The following LMBRD1 variants were observed in gnomAD, a reference collection of about 807,000 sequenced individuals.
The protein encoded by LMBRD1 is LMBR1 domain containing 1.
A neutral mutation model predicts 74.8 loss-of-function variants in LMBRD1; 64 were observed. The ratio of observed to expected loss-of-function variants is 0.86; its 90% CI spans 0.70 to 1.05. The LOEUF (loss-of-function observed/expected upper bound fraction) is 1.05. LMBRD1 is among the 50% of genes least tolerant of loss of function. The pLI, the probability that LMBRD1 is intolerant of heterozygous loss-of-function variation, is 0.00. For synonymous variants in LMBRD1, 204 were observed against 216.3 expected, an observed-to-expected ratio of 0.94 and a Z score of 0.50; for missense variants, 652 against 645.9, an observed-to-expected ratio of 1.01 and a Z score of -0.10.
chr6:69,725,139 C>T lies in LMBRD1; in HGVS notation c.637-6058G>A, dbSNP rs1402972632. On this transcript the variant is annotated intron_variant, in intron 7 of 15. Coordinates refer to ENST00000649934, the MANE Select transcript of LMBRD1 (RefSeq NM_018368.4). ...AATAGCCCCAAATAAAATTAAATAA[C>T]TAGGAATTAACTTAACCAAAAAAGT... 2.6e-5 allele frequency among the ~76,000 whole-genome samples: 4 copies of T among 151,926 alleles called. No homozygotes were observed. The East Asian group carries it at 7.7e-4, about 29-fold the overall frequency.
intron 7 of LMBRD1, among the ~76,000 whole-genome samples, chr6:69,726,777 CA>C (rs34775384): frequency 0.47 from 51,200 of 109,646 alleles, 8,644 homozygotes; most frequent in East Asian, 0.64. Context: ...TTACTAGGTA[CA>C]AAAAAAAAAA....
chr6:69,794,168 T>C (rs1766158238), intron 1 of LMBRD1, among the ~76,000 whole-genome samples: 1 of 152,242 alleles, frequency 6.6e-6, no homozygotes, highest in Non-Finnish European at 1.5e-5. Flanking sequence ...CCTTTTTCAC[T>C]GTGCTGACAT....
chr6:69,732,068 T>G (rs1766870742), intron 7 of LMBRD1, among the ~76,000 whole-genome samples: 1 of 152,146 alleles, frequency 6.6e-6, no homozygotes, highest in Admixed American at 6.5e-5. Context: ...GTAGCATATA[T>G]TCAGTGAAAT....
At chr6:69,742,137 G>A (rs1280908011) in intron 5 of LMBRD1, among the ~76,000 whole-genome samples, 1 of 151,936 alleles carries the variant, frequency 6.6e-6, no homozygotes, top group African/African-American at 2.4e-5. Context: ...CTTTAATAAA[G>A]CTGGTAAAAA....
At chr6:69,754,109 A>T (rs1236888344) in intron 3 of LMBRD1, among the ~76,000 whole-genome samples, 3 of 151,938 alleles carry the variant, frequency 2.0e-5, no homozygotes, top group Admixed American at 6.6e-5. Context: ...AGGACACAGA[A>T]AGTAGGACGG....
intron 14 of LMBRD1, among the ~76,000 whole-genome samples, chr6:69,684,546 CATTA>C (rs1157122123): frequency 6.6e-6 from 1 of 151,822 alleles, no homozygotes; most frequent in Admixed American, 6.6e-5. Context: ...CCAAACTATC[CATTA>C]ATTGTGAGGA....
Position 69,766,619 on chromosome 6 carries a change from T to G in LMBRD1, c.307+13875A>C, listed in dbSNP as rs751343818. On this transcript the variant is annotated intron_variant, in intron 3 of 15. Coordinates refer to ENST00000649934, the MANE Select transcript of LMBRD1 (RefSeq NM_018368.4). Reference sequence around the variant, plus strand: ...AGTCCACAGTTTCCCTTTCTTGTGATGTCTTAATATGATTTTGGTATGAAG... The same window carrying G: ...AGTCCACAGTTTCCCTTTCTTGTGAGGTCTTAATATGATTTTGGTATGAAG... Among the ~76,000 whole-genome samples, 24 of 151,830 alleles carry G rather than the reference T, an allele frequency of 1.6e-4. 1 individual carries two copies. The highest frequency in any genetic ancestry group is 2.8e-4 in the Non-Finnish European group (19 of 67,776).
intron 3 of LMBRD1, among the ~76,000 whole-genome samples, chr6:69,778,721 A>G (rs1765758562): frequency 6.6e-6 from 1 of 152,176 alleles, no homozygotes; most frequent in Non-Finnish European, 1.5e-5. Flanking sequence ...GCTCCATTTC[A>G]AAACTTTTAA....
chr6:69,734,528 T>C (rs1766932721), intron 7 of LMBRD1, among the ~76,000 whole-genome samples: 1 of 152,080 alleles, frequency 6.6e-6, no homozygotes, highest in African/African-American at 2.4e-5. Context: ...CCCGAGTACC[T>C]GCGATTACAG....
At chr6:69,729,479 T>C (rs1330308427) in intron 7 of LMBRD1, among the ~76,000 whole-genome samples, 1 of 151,982 alleles carries the variant, frequency 6.6e-6, no homozygotes, top group Admixed American at 6.6e-5. Flanking sequence ...CCAATTCTTT[T>C]TCCTCCTACC....
rs57384552 is a variant in LMBRD1 at position 69,766,713 on chromosome 6, G to A, written c.307+13781C>T. 8.6e-5 allele frequency among the ~76,000 whole-genome samples: 13 copies of A among 151,622 alleles called. No individual in the cohort carries two copies. In the East Asian group the frequency reaches 2.1e-3, roughly 25 times the overall value. ...CTATTTCCTAAAAAGGTTGATAAAG[G>A]ATTGGTATAATTTCTATTTATAATA... On this transcript the variant is annotated intron_variant, in intron 3 of 15. Coordinates refer to ENST00000649934, the MANE Select transcript of LMBRD1 (RefSeq NM_018368.4).
chr6:69,752,162 C>A, intron 4 of LMBRD1, 97 bp downstream of exon 4: 2 of 1,194,614 alleles, frequency 1.7e-6, no homozygotes, highest in Non-Finnish European at 2.4e-6. Context: ...TATTAGACAA[C>A]ACTGCTCTAG....
chr6:69,756,077 A>G (rs1765260597), intron 3 of LMBRD1, among the ~76,000 whole-genome samples: 1 of 152,102 alleles, frequency 6.6e-6, no homozygotes, highest in Admixed American at 6.5e-5. Flanking sequence ...AATATACACA[A>G]TTTCTGGGCA....
intron 14 of LMBRD1, among the ~76,000 whole-genome samples, chr6:69,691,645 G>A (rs1462497533): frequency 1.3e-5 from 2 of 152,076 alleles, no homozygotes; most frequent in Admixed American, 6.5e-5. Context: ...GGGAGGCTGA[G>A]GCAGGCAGAT....
chr6:69,782,687 CAA>C (rs57114525), intron 2 of LMBRD1, among the ~76,000 whole-genome samples: 11 of 146,876 alleles, frequency 7.5e-5, no homozygotes, highest in East Asian at 5.9e-4. Flanking sequence ...TCTCAAGAAA[CAA>C]AAAAAAAAAG....
intron 8 of LMBRD1, among the ~76,000 whole-genome samples, chr6:69,717,943 G>A (rs182131602): frequency 7.2e-5 from 11 of 152,066 alleles, no homozygotes; most frequent in African/African-American, 2.7e-4. Context: ...AAGCAATCTG[G>A]GACTACAGGT....
At chr6:69,688,016 A>C (rs537717679) in intron 14 of LMBRD1, among the ~76,000 whole-genome samples, 1 of 152,258 alleles carries the variant, frequency 6.6e-6, no homozygotes, top group African/African-American at 2.4e-5. Context: ...CCTGCTTTTT[A>C]AATTAAGACA....
intron 3 of LMBRD1, among the ~76,000 whole-genome samples, chr6:69,768,464 T>A (rs1219296775): frequency 3.3e-5 from 5 of 151,902 alleles, no homozygotes; most frequent in Non-Finnish European, 4.4e-5. Context: ...ATATATTTTT[T>A]AAAAACTTGC....
intron 2 of LMBRD1, among the ~76,000 whole-genome samples, chr6:69,783,306 C>T (rs986070656): frequency 1.3e-5 from 2 of 152,198 alleles, no homozygotes; most frequent in East Asian, 3.8e-4. Context: ...AAAGCTTCAA[C>T]TCCTAAGAGC....
Sources: allele counts gnomAD v4.1 joint callset (sites outside exome capture counted in the v4.1 genomes callset), GRCh38; gene constraint gnomAD v4.1.1; transcripts MANE v1.5; gene names NCBI Gene and HGNC (gene_info 2026-07-23, HGNC 2026-07-21).